The following NOC3L variants were observed in gnomAD, a reference collection of about 807,000 sequenced individuals.
NOC3L encodes NOC3 like DNA replication regulator.
In NOC3L, 85 loss-of-function variants were observed where a neutral mutation model predicts 102.5. The ratio of observed to expected loss-of-function variants is 0.83; its 90% CI spans 0.70 to 0.99. The LOEUF (loss-of-function observed/expected upper bound fraction) is 0.99. Among genes scored for constraint, NOC3L ranks in the 50% least tolerant of loss-of-function variants. The pLI is 0.00. For synonymous variants in NOC3L, 303 were observed against 309.4 expected (o/e 0.98, Z 0.22); for missense variants, 878 against 914.9 (o/e 0.96, Z 0.52).
At chr10:94,322,924 T>A in the NOC3L span, among the ~76,000 whole-genome samples, 1 of 152,042 alleles carries the variant, frequency 6.6e-6, no homozygotes, top group Non-Finnish European at 1.5e-5. Context: ...GCCACTTTAC[T>A]CCAGCCTGGG....
At chr10:94,321,187 G>C in the NOC3L span, among the ~76,000 whole-genome samples, 1 of 152,180 alleles carries the variant, frequency 6.6e-6, no homozygotes, top group Non-Finnish European at 1.5e-5. Flanking sequence ...TTATATTTCA[G>C]ATGTCTAGCA....
intron 2 of NOC3L, 145 bp downstream of exon 2, chr10:94,361,520 G>A: frequency 1.5e-6 from 1 of 682,726 alleles, no homozygotes; most frequent in Non-Finnish European, 2.6e-6. Flanking sequence ...ATGCTTTATA[G>A]CAGTCCTATA....
Position 94,356,599 on chromosome 10 carries a change from G to A in NOC3L, c.509-8C>T. ...CTTTGTTACTATCAGTAACTATATG[G>A]AAAACATATGTATTAAAACTGTGAT... is the stretch of plus-strand genomic sequence containing the variant. On this transcript the variant is annotated splice_region_variant and splice_polypyrimidine_tract_variant and intron_variant, in intron 4 of 20. Coordinates refer to ENST00000371361, the MANE Select transcript of NOC3L (RefSeq NM_022451.11). 1.3e-6 allele frequency: 2 copies of A among 1,490,152 alleles called. No homozygotes were observed. The highest frequency in any genetic ancestry group is 1.4e-5 in the African/African-American group (1 of 72,606). The allele number at this position is 1,490,152 out of a possible 1,614,324, so 92.3% of individuals were successfully genotyped here. A position where few individuals can be genotyped will look rare whatever the true frequency, so the allele number is the denominator to read the frequency against.
Position 94,334,123 on chromosome 10 carries a change from A to G in NOC3L, c.*54T>C. On this transcript the variant is annotated 3_prime_UTR_variant, in exon 21 of 21. Coordinates refer to ENST00000371361, the MANE Select transcript of NOC3L (RefSeq NM_022451.11). ...GATCCTAAGTTAACAACTCATCTTTATGTACATCTGCACACACAAATATAC... is the reference window on the plus strand; with the variant it reads ...GATCCTAAGTTAACAACTCATCTTTGTGTACATCTGCACACACAAATATAC... 2 of 788,480 alleles carry G rather than the reference A, an allele frequency of 2.5e-6. No homozygotes were observed. Among genetic ancestry groups the G allele is most frequent in the Non-Finnish European group, 4.3e-6 (2 of 463,666 alleles). The allele number at this position is 788,480 out of a possible 1,614,324, so 48.8% of individuals were successfully genotyped here.
chr10:94,345,700 T>C (rs1023556198), intron 11 of NOC3L, among the ~76,000 whole-genome samples: 3 of 152,296 alleles, frequency 2.0e-5, no homozygotes, highest in Admixed American at 1.3e-4. Flanking sequence ...AATTATTAAG[T>C]CTATTTTGAT....
At chr10:94,324,376 A>T in the NOC3L span, 2 of 1,614,164 alleles carry the variant, frequency 1.2e-6, no homozygotes, top group Non-Finnish European at 1.7e-6. Context: ...ATATTCCTAC[A>T]GCATCCTGAG....
At chr10:94,356,799 A>T (rs1305850041) in intron 4 of NOC3L, among the ~76,000 whole-genome samples, 1 of 152,294 alleles carries the variant, frequency 6.6e-6, no homozygotes, top group Non-Finnish European at 1.5e-5. Flanking sequence ...TTTTATAGGT[A>T]TGCGCTTTGT....
chr10:94,322,165 C>A, the NOC3L span: 1 of 1,062,606 alleles, frequency 9.4e-7, no homozygotes, highest in Non-Finnish European at 1.4e-6. Context: ...TCCTCAACAA[C>A]AGGGACCTCA....
chr10:94,348,042 CAATA>C (rs2054366432), intron 10 of NOC3L, among the ~76,000 whole-genome samples: 3 of 150,588 alleles, frequency 2.0e-5, no homozygotes, highest in Admixed American at 2.0e-4. Context: ...AGATATAACA[CAATA>C]ATTAAGCAGC....
At chr10:94,360,310 A>G (rs1328185014) in intron 2 of NOC3L, among the ~76,000 whole-genome samples, 2 of 151,950 alleles carry the variant, frequency 1.3e-5, no homozygotes, top group Admixed American at 6.6e-5. Context: ...GAGAGACTCC[A>G]TCTCAAAAAA....
chr10:94,342,119 T>A (rs1363763039), intron 13 of NOC3L, among the ~76,000 whole-genome samples: 2 of 152,188 alleles, frequency 1.3e-5, no homozygotes, highest in African/African-American at 4.8e-5. Context: ...TTCTGCTACT[T>A]ACAAGAATAT....
intron 20 of NOC3L, 61 bp downstream of exon 20, chr10:94,334,573 G>A: frequency 8.4e-7 from 1 of 1,197,172 alleles, no homozygotes; most frequent in Non-Finnish European, 1.2e-6. Context: ...ACTGGAGTTA[G>A]AGTTATTGAG....
At position 94,352,330 on chromosome 10, in the gene NOC3L, T is replaced by C; in HGVS notation, c.932A>G (p.Asn311Ser). The change falls in exon 8 of 21, where the codon AAT becomes AGT. Residue 311 changes from asparagine (N) to serine (S), a missense_variant. By Grantham distance (46) the Asn-to-Ser change is conservative. Transcript: ENST00000371361. ...LVSQYKFYLENLEQMVKDWKQ... is the reference protein window; with the variant it reads ...LVSQYKFYLESLEQMVKDWKQ... ...TATACCTTTAACCATTTGTTCCAGATTTTCCAAATAAAACTTGTATTGGCT... is the reference window on the plus strand; with the variant it reads ...TATACCTTTAACCATTTGTTCCAGACTTTCCAAATAAAACTTGTATTGGCT... 1.2e-6 allele frequency: 2 copies of C among 1,611,154 alleles called. No homozygotes were observed.
At chr10:94,341,047 C>G (rs952671832) in intron 14 of NOC3L, among the ~76,000 whole-genome samples, 1 of 151,398 alleles carries the variant, frequency 6.6e-6, no homozygotes, top group Non-Finnish European at 1.5e-5. Context: ...TGCCCCACAT[C>G]TGTAGTCCCA....
chr10:94,361,977 T>C (rs1390693271), intron 1 of NOC3L, 105 bp from the exon 2 acceptor site: 6 of 872,128 alleles, frequency 6.9e-6, no homozygotes, highest in Non-Finnish European at 7.4e-6. Flanking sequence ...ACAATTTCAA[T>C]GTCCCACAGC....
chr10:94,327,652 T>A, the NOC3L span, among the ~76,000 whole-genome samples: 1 of 152,254 alleles, frequency 6.6e-6, no homozygotes, highest in Non-Finnish European at 1.5e-5. Flanking sequence ...AAGAACATAT[T>A]CATCTATCTG....
intron 6 of NOC3L, among the ~76,000 whole-genome samples, chr10:94,353,344 A>G (rs2054445324): frequency 6.6e-6 from 1 of 152,240 alleles, no homozygotes; most frequent in Non-Finnish European, 1.5e-5. Flanking sequence ...CAGGCTGTAG[A>G]GGAAGCTCGG....
At position 94,342,402 on chromosome 10, in the gene NOC3L, G is replaced by A. The variant is rs539419724; in HGVS notation, c.1572-657C>T. Among the ~76,000 whole-genome samples, 7 of 152,272 alleles carry A rather than the reference G, an allele frequency of 4.6e-5. No homozygotes were observed. In the South Asian group the frequency reaches 1.5e-3, roughly 32 times the overall value. ...TATTAGCAAGAAGTCTTTGATCTAT[G>A]TAAATCTTAGAAGAATAAAAGACCT... On this transcript the variant is annotated intron_variant, in intron 13 of 20. Coordinates refer to ENST00000371361, the MANE Select transcript of NOC3L (RefSeq NM_022451.11).
At chr10:94,319,864 C>CTTTTTTTTTTTTTTTTTTTTTTTTTTT in the NOC3L span, among the ~76,000 whole-genome samples, 4 of 92,938 alleles carry the variant, frequency 4.3e-5, no homozygotes, top group African/African-American at 7.5e-5. Flanking sequence ...CAAAGGTGCT[C>CTTTTTTTTTTTTTTTTTTTTTTTTTTT]TTTTTTTTTT....
Sources: gnomAD v4.1 joint callset for allele counts (sites outside exome capture counted in the v4.1 genomes callset) on GRCh38, gnomAD v4.1.1 for gene constraint, MANE v1.5 for transcripts, NCBI Gene and HGNC (gene_info 2026-07-23, HGNC 2026-07-21) for gene names.